The following EPB41L2 variants were observed in gnomAD, a reference collection of about 807,000 sequenced individuals.
The protein encoded by EPB41L2 is band 4.1-like protein 2.
EPB41L2 carries 43 observed loss-of-function variants against 113.0 expected under a neutral mutation model. That is an observed-to-expected ratio of 0.38 (90% CI 0.30 to 0.49). The LOEUF (loss-of-function observed/expected upper bound fraction) is 0.49. EPB41L2 is among the 20% of genes least tolerant of loss of function. The pLI, the probability that EPB41L2 is intolerant of heterozygous loss-of-function variation, is 0.95. For synonymous variants in EPB41L2, 442 were observed against 436.7 expected (o/e 1.01, Z -0.15); for missense variants, 1,147 against 1,223.4 (o/e 0.94, Z 0.93).
intron 3 of EPB41L2, among the ~76,000 whole-genome samples, chr6:130,937,549 G>A (rs1232869875): frequency 3.3e-5 from 5 of 152,152 alleles, no homozygotes; most frequent in Non-Finnish European, 5.9e-5. Flanking sequence ...GGCTGGGCGC[G>A]GTGGCTCATG....
rs117771431 is a variant in EPB41L2, at chr6:131,007,494, G to A, written c.-14-50995C>T. 0.012 allele frequency among the ~76,000 whole-genome samples: 1,787 copies of A among 152,260 alleles called. 191 individuals carry two copies. The East Asian group carries it at 0.27, about 23-fold the overall frequency. On this transcript the variant is annotated intron_variant, in intron 1 of 19. Transcript: ENST00000337057. ...GTGGGGTGCCGCTGTAAAGATAACC[G>A]AAAATGTGGAAGGAACTTTGGAAAT...
intron 8 of EPB41L2, among the ~76,000 whole-genome samples, chr6:130,896,923 G>A (rs1331224867): frequency 6.6e-6 from 1 of 152,092 alleles, no homozygotes; most frequent in Non-Finnish European, 1.5e-5. Context: ...GGAGGTCAGG[G>A]TGTTTAATAT....
rs758077846 is a variant in EPB41L2, at chr6:130,901,133, A to G, written c.977T>C (p.Leu326Pro). Residue 326 changes from leucine (L) to proline (P), a missense_variant, in exon 7 of 20, where the codon CTG becomes CCG. Coordinates refer to ENST00000337057, the MANE Select transcript of EPB41L2 (RefSeq NM_001431.4). ...QLRQDIASGR[L>P]PCSFVTHALL... is the part of the protein sequence containing the mutation. ...AGCATGAGTCACAAAAGAGCAGGGC[A>G]GGCGGCCAGAGGCAATGTCCTGCCG... 1 of 1,614,070 alleles carries G rather than the reference A, an allele frequency of 6.2e-7. No homozygotes were observed. The highest frequency in any genetic ancestry group is 1.1e-5 in the South Asian group (1 of 91,078).
At chr6:130,926,857 T>C (rs960266561) in intron 3 of EPB41L2, 148 bp from the exon 4 acceptor site, 1 of 573,142 alleles carries the variant, frequency 1.7e-6, no homozygotes, top group Non-Finnish European at 2.9e-6. Context: ...AAGTGATTAA[T>C]TTTTTAACTT....
At chr6:130,988,615 ATAG>A (rs1047970116) in intron 1 of EPB41L2, among the ~76,000 whole-genome samples, 8 of 152,182 alleles carry the variant, frequency 5.3e-5, no homozygotes, top group African/African-American at 1.7e-4. Flanking sequence ...CATAACAAGA[ATAG>A]CATCAAGGTG....
At position 130,871,204 on chromosome 6, in the gene EPB41L2, G is replaced by C. The variant is rs906267975; in HGVS notation, c.2044-1078C>G. Reference sequence around the variant, plus strand: ...TACTATGTTATGATATTATTAACTAGGGTGGAAACCTTTTTGTACAGAGGG... The same window carrying C: ...TACTATGTTATGATATTATTAACTACGGTGGAAACCTTTTTGTACAGAGGG... On this transcript the variant is annotated intron_variant, in intron 14 of 19. Transcript: ENST00000337057. Among the ~76,000 whole-genome samples the C allele has an allele frequency of 2.6e-5, 4 of 152,142 alleles. No individual in the cohort carries two copies. In the East Asian group the frequency reaches 7.7e-4, roughly 29 times the overall value.
chr6:131,024,257 T>C (rs9388876), intron 1 of EPB41L2, among the ~76,000 whole-genome samples: 22,825 of 152,026 alleles, frequency 0.15, 2,340 homozygotes, highest in East Asian at 0.43. Context: ...CAAAAGCCCA[T>C]GTGTGATGAA....
Position 130,885,159 on chromosome 6 carries a change from C to T in EPB41L2, c.1770G>A (p.Gly590=). 6.2e-7 allele frequency: 1 copy of T among 1,614,118 alleles called. No individual in the cohort carries two copies. Among genetic ancestry groups the T allele is most frequent in the Non-Finnish European group, 8.5e-7 (1 of 1,180,018 alleles). ...GGCTTCTCACTTCCCTCCTGCCGTC[C>T]CCATCTTGTACCACGGCAATGCTGA... is the stretch of plus-strand genomic sequence containing the variant. ...GLVSIAVVQD[G]DGRREVRSPT... The change falls in exon 12 of 20, where the codon GGG becomes GGA. Residue 590 remains glycine, a synonymous_variant. Transcript: ENST00000337057.
chr6:130,936,587 G>T (rs1808869716), intron 3 of EPB41L2, among the ~76,000 whole-genome samples: 1 of 151,808 alleles, frequency 6.6e-6, no homozygotes, highest in Non-Finnish European at 1.5e-5. Context: ...AAGCCAAATA[G>T]TGATAAAATA....
intron 1 of EPB41L2, among the ~76,000 whole-genome samples, chr6:131,035,961 G>A (rs1410635638): frequency 6.6e-6 from 1 of 152,096 alleles, no homozygotes; most frequent in Non-Finnish European, 1.5e-5. Context: ...TGAGAGAAAC[G>A]GTCAAATCTC....
chr6:131,005,369 G>A (rs1785252455), intron 1 of EPB41L2, among the ~76,000 whole-genome samples: 1 of 152,222 alleles, frequency 6.6e-6, no homozygotes, highest in African/African-American at 2.4e-5. Context: ...TCTTAGAGAT[G>A]CCCTAGAACC....
intron 13 of EPB41L2, among the ~76,000 whole-genome samples, chr6:130,879,463 C>T (rs1788562592): frequency 6.6e-6 from 1 of 152,092 alleles, no homozygotes; most frequent in South Asian, 2.1e-4. Flanking sequence ...CTGCAGTTCT[C>T]CATTGAATAC....
intron 1 of EPB41L2, among the ~76,000 whole-genome samples, chr6:131,035,830 A>AG (rs1793191020): frequency 6.6e-6 from 1 of 152,224 alleles, no homozygotes; most frequent in Admixed American, 6.5e-5. Flanking sequence ...CAGAAGTGAG[A>AG]GGTTAGCAAT....
intron 1 of EPB41L2, among the ~76,000 whole-genome samples, chr6:131,040,858 AAT>A (rs1051002668): frequency 9.5e-5 from 13 of 137,148 alleles, no homozygotes; most frequent in Admixed American, 6.6e-4. Context: ...ACTTACAGAA[AAT>A]ACAGAGTTTA....
chr6:130,911,011 C>A (rs554955052), intron 4 of EPB41L2, among the ~76,000 whole-genome samples: 9 of 152,290 alleles, frequency 5.9e-5, no homozygotes, highest in African/African-American at 1.7e-4. Context: ...TTGACCCAGC[C>A]ATCCCATTAC....
intron 11 of EPB41L2, among the ~76,000 whole-genome samples, chr6:130,886,803 C>T (rs1024651277): frequency 1.3e-5 from 2 of 151,738 alleles, no homozygotes; most frequent in African/African-American, 2.4e-5. Context: ...CTGGCTAATT[C>T]TTTGTATTTT....
At chr6:130,945,233 A>T (rs1199398889) in intron 3 of EPB41L2, among the ~76,000 whole-genome samples, 1 of 152,226 alleles carries the variant, frequency 6.6e-6, no homozygotes, top group Admixed American at 6.5e-5. Flanking sequence ...TAGGTCTGAA[A>T]TACCACCTTG....
intron 1 of EPB41L2, among the ~76,000 whole-genome samples, chr6:131,011,673 C>T (rs889256765): frequency 1.3e-5 from 2 of 152,176 alleles, no homozygotes; most frequent in African/African-American, 4.8e-5. Context: ...GATGGGTATT[C>T]CTTTCATTCT....
intron 1 of EPB41L2, among the ~76,000 whole-genome samples, chr6:131,016,254 T>C (rs1016426875): frequency 1.3e-5 from 2 of 152,180 alleles, no homozygotes; most frequent in Non-Finnish European, 2.9e-5. Context: ...AATTTTAAAA[T>C]AATCATGTTT....
Sources: allele counts gnomAD v4.1 joint callset (sites outside exome capture counted in the v4.1 genomes callset), GRCh38; gene constraint gnomAD v4.1.1; transcripts MANE v1.5; gene names NCBI Gene and HGNC (gene_info 2026-07-23, HGNC 2026-07-21).